MBNL1: variants seen among roughly 807,000 people sequenced by gnomAD.
MBNL1 encodes muscleblind like splicing regulator 1.
MBNL1 carries 8 observed loss-of-function variants against 42.2 expected under a neutral mutation model. The observed-to-expected ratio is 0.19, with a 90% CI of 0.11 to 0.34. The LOEUF is 0.34. MBNL1 is among the 10% of genes least tolerant of loss of function. The pLI, the probability that MBNL1 is intolerant of heterozygous loss-of-function variation, is 1.00. For missense variants in MBNL1, 309 were observed against 495.3 expected (o/e 0.62, Z 3.57); for synonymous variants, 169 against 173.9 (o/e 0.97, Z 0.22).
chr3:152,261,212 C>A (rs969220922), intron 2 of MBNL1, among the ~76,000 whole-genome samples: 1 of 152,106 alleles, frequency 6.6e-6, no homozygotes, highest in Non-Finnish European at 1.5e-5. Context: ...GTCTGAGTTG[C>A]AGCCGGCCTA....
At chr3:152,458,154 G>T in intron 8 of MBNL1, 1 of 1,613,912 alleles carries the variant, frequency 6.2e-7, no homozygotes, top group Non-Finnish European at 8.5e-7. Context: ...CTTCTACACT[G>T]TTGGGTGCAA....
At chr3:152,286,123 A>G in intron 1 of MBNL1, among the ~76,000 whole-genome samples, 1 of 151,474 alleles carries the variant, frequency 6.6e-6, no homozygotes, top group East Asian at 1.9e-4. Context: ...TTTTTCCCCC[A>G]TTAACTTTAA....
At chr3:152,256,503 G>T (rs1247293235) in intron 2 of MBNL1, among the ~76,000 whole-genome samples, 1 of 152,026 alleles carries the variant, frequency 6.6e-6, no homozygotes, top group Non-Finnish European at 1.5e-5. Flanking sequence ...GCAATCCCTG[G>T]CAACATCAAC....
intron 2 of MBNL1, among the ~76,000 whole-genome samples, chr3:152,407,574 A>C (rs993955171): frequency 4.6e-5 from 7 of 152,184 alleles, no homozygotes; most frequent in Admixed American, 1.3e-4. Flanking sequence ...AAAACTATGA[A>C]ATAAGTACAA....
chr3:152,403,539 T>G (rs1315935749), intron 2 of MBNL1, among the ~76,000 whole-genome samples: 1 of 152,188 alleles, frequency 6.6e-6, no homozygotes, highest in Non-Finnish European at 1.5e-5. Flanking sequence ...GAAATGATTC[T>G]AAAAATTCTG....
At chr3:152,454,776 C>G (rs1730342209) in intron 6 of MBNL1, among the ~76,000 whole-genome samples, 1 of 152,092 alleles carries the variant, frequency 6.6e-6, no homozygotes, top group East Asian at 1.9e-4. Flanking sequence ...TCTTGAAGGT[C>G]TAAACCAGCA....
chr3:152,309,979 C>G (rs547279430), intron 2 of MBNL1, among the ~76,000 whole-genome samples: 1 of 152,184 alleles, frequency 6.6e-6, no homozygotes, highest in African/African-American at 2.4e-5. Flanking sequence ...TTAAAATGTT[C>G]CAGTAGAACA....
intron 2 of MBNL1, among the ~76,000 whole-genome samples, chr3:152,328,504 G>C (rs2081955346): frequency 6.6e-6 from 1 of 152,094 alleles, no homozygotes; most frequent in Non-Finnish European, 1.5e-5. Flanking sequence ...TGATATAGCT[G>C]TTCTAGATAT....
At chr3:152,387,378 G>A (rs1188517715) in intron 2 of MBNL1, among the ~76,000 whole-genome samples, 2 of 151,044 alleles carry the variant, frequency 1.3e-5, no homozygotes, top group African/African-American at 2.4e-5. Flanking sequence ...GCAAATTCTT[G>A]GAAAGAAGGA....
intron 2 of MBNL1, among the ~76,000 whole-genome samples, chr3:152,251,286 A>G (rs1033183715): frequency 6.6e-6 from 1 of 152,112 alleles, no homozygotes; most frequent in Non-Finnish European, 1.5e-5. Flanking sequence ...GTTAAGTGAT[A>G]AGTAAAAATT....
intron 2 of MBNL1, among the ~76,000 whole-genome samples, chr3:152,255,040 C>T (rs1424216739): frequency 1.3e-5 from 2 of 152,008 alleles, no homozygotes; most frequent in African/African-American, 2.4e-5. Flanking sequence ...GGTTTAGATA[C>T]AGTTAAGAAT....
intron 2 of MBNL1, among the ~76,000 whole-genome samples, chr3:152,368,577 G>A (rs2096530512): frequency 6.6e-6 from 1 of 152,156 alleles, no homozygotes. Context: ...GATGGGCATA[G>A]CATTGAATCT....
At chr3:152,297,234 C>T (rs1463628674) in intron 1 of MBNL1, among the ~76,000 whole-genome samples, 1 of 141,618 alleles carries the variant, frequency 7.1e-6, no homozygotes, top group Admixed American at 7.1e-5. Context: ...ACACAGCTTA[C>T]AGTTTATGAC....
intron 2 of MBNL1, among the ~76,000 whole-genome samples, chr3:152,329,681 A>ATTATATCTTATATATTATATATATATAT (rs35675745): frequency 6.9e-6 from 1 of 145,118 alleles, no homozygotes; most frequent in African/African-American, 2.5e-5. Flanking sequence ...TCTTATATAT[A>ATTATATCTTATATATTATATATATATAT]TATATCTTAT....
At chr3:152,279,354 T>G (rs2047083738) in intron 1 of MBNL1, among the ~76,000 whole-genome samples, 1 of 152,140 alleles carries the variant, frequency 6.6e-6, no homozygotes, top group Non-Finnish European at 1.5e-5. Context: ...CTTTTCATAC[T>G]TCAAAACCAG....
chr3:152,316,083 A>G (rs1037416547), intron 2 of MBNL1, among the ~76,000 whole-genome samples: 4 of 152,186 alleles, frequency 2.6e-5, no homozygotes, highest in South Asian at 4.1e-4. Context: ...TTGCTTCAGG[A>G]TAAATTGAAG....
intron 2 of MBNL1, among the ~76,000 whole-genome samples, chr3:152,387,578 G>A (rs912730991): frequency 1.3e-5 from 2 of 152,038 alleles, no homozygotes. Flanking sequence ...CTGTAAAAGT[G>A]TTCCTTTCTC....
At position 152,376,110 on chromosome 3, in the gene MBNL1, G is replaced by C. The variant is rs374487820; in HGVS notation, c.175-38831G>C. ...CTGTCAGGCCGGTATCATACCCATG[G>C]TATCTTATATTCCAACTATAAGATG... On this transcript the variant is annotated intron_variant, in intron 2 of 9. Coordinates refer to ENST00000324210, the MANE Select transcript of MBNL1 (RefSeq NM_021038.5). Among the ~76,000 whole-genome samples, 317 of 152,030 alleles carry C rather than the reference G, an allele frequency of 2.1e-3. 2 individuals carry two copies. Among genetic ancestry groups the C allele is most frequent in the African/African-American group, 7.1e-3 (294 of 41,456 alleles).
upstream of MBNL1, chr3:152,263,849 A>AT (rs1282393521): frequency 2.6e-5 from 4 of 151,442 alleles, no homozygotes; most frequent in Non-Finnish European, 5.9e-5. Flanking sequence ...ATGGAGATTC[A>AT]TTTTTTCCCT....
Sources: gnomAD v4.1 joint callset for allele counts (sites outside exome capture counted in the v4.1 genomes callset) on GRCh38, gnomAD v4.1.1 for gene constraint, MANE v1.5 for transcripts, NCBI Gene and HGNC (gene_info 2026-07-23, HGNC 2026-07-21) for gene names.